The following GJA3 variants were observed in gnomAD, a reference collection of about 807,000 sequenced individuals.
GJA3 encodes the protein gap junction alpha-3 protein.
For synonymous variants in GJA3, 297 were observed against 292.6 expected (o/e 1.02, Z -0.15); for missense variants, 571 against 620.3 (o/e 0.92, Z 0.84).
rs192267797 is a variant in GJA3, at chr13:20,153,681, T to C, written c.-18+7209A>G. Among the ~76,000 whole-genome samples the C allele has an allele frequency of 5.1e-4, 77 of 152,058 alleles. 2 individuals are homozygous for C. In the East Asian group the frequency reaches 0.014, roughly 27 times the overall value. On this transcript the variant is annotated intron_variant, in intron 1 of 1. Coordinates refer to ENST00000241125, the MANE Select transcript of GJA3 (RefSeq NM_021954.4). ...ATAGTATTAGGAGATATACCTAATGTAAATGACAAGTTAACAGGTGCAGCA... is the reference window on the plus strand; with the variant it reads ...ATAGTATTAGGAGATATACCTAATGCAAATGACAAGTTAACAGGTGCAGCA...
chr13:20,141,161 G>GA lies in GJA3; in HGVS notation c.*819dup, dbSNP rs1958804544. The GA allele has an allele frequency of 6.6e-6, 1 of 152,188 alleles. No homozygotes were observed. The highest frequency in any genetic ancestry group is 1.5e-5 in the Non-Finnish European group (1 of 68,010). The allele number at this position is 152,188 out of a possible 1,614,324, so 9.4% of individuals were successfully genotyped here. A position where few individuals can be genotyped will look rare whatever the true frequency, so the allele number is the denominator to read the frequency against. On this transcript the variant is annotated 3_prime_UTR_variant, in exon 2 of 2. Transcript: ENST00000241125. ...TATTTTTCTTTCATTTTTCCTGAAA[G>GA]AAAGTGGGAGAAAATAGGCATAGCT...
chr13:20,141,847 TCCACCTCCTGGGACTCCAGTCGCTC>T lies in GJA3; in HGVS notation c.*109_*133del, dbSNP rs1566514030. On this transcript the variant is annotated 3_prime_UTR_variant, in exon 2 of 2. Coordinates refer to ENST00000241125, the MANE Select transcript of GJA3 (RefSeq NM_021954.4). The stretch of plus-strand genomic sequence containing the variant: ...CGGAAACCTGATCTCTCCTCCATCG[TCCACCTCCTGGGACTCCAGTCGCTC>T]CCACCTCCTGGGACTTTCAGGTTCT... The T allele has an allele frequency of 5.5e-5, 72 of 1,316,796 alleles. 2 individuals are homozygous for T. The highest frequency in any genetic ancestry group is 3.9e-4 in the South Asian group (27 of 69,234). The allele number at this position is 1,316,796 out of a possible 1,614,324, so 81.6% of individuals were successfully genotyped here.
chr13:20,146,879 C>T (rs1183570674), intron 1 of GJA3, among the ~76,000 whole-genome samples: 1 of 152,188 alleles, frequency 6.6e-6, no homozygotes, highest in Non-Finnish European at 1.5e-5. Context: ...GTTCCCTGAG[C>T]AGTGCTGGCT....
At position 20,142,703 on chromosome 13, in the gene GJA3, T is replaced by G; in HGVS notation, c.586A>C (p.Arg196=). 6.2e-7 allele frequency: 1 copy of G among 1,613,742 alleles called. No homozygotes were observed. The highest frequency in any genetic ancestry group is 8.5e-7 in the Non-Finnish European group (1 of 1,179,828). The part of the protein sequence containing the change: ...CPNTVDCFIS[R]PTEKTIFIIF... ...ATGAAGATGGTCTTCTCCGTGGGCC[T>G]GGAGATGAAGCAGTCCACCGTGTTG... The change falls in exon 2 of 2, where the codon AGG becomes CGG. Residue 196 remains arginine, a synonymous_variant. Transcript: ENST00000241125.
In GJA3 at chr13:20,145,760, C is replaced by G. The variant is rs534160575; in HGVS notation, c.-17-2455G>C. ...CCTGCTGACCTGCCCCTTGCCTACA[C>G]AGTCCCCTCAGGGGTGGCCATCTCA... On this transcript the variant is annotated intron_variant, in intron 1 of 1. Transcript: ENST00000241125. Among the ~76,000 whole-genome samples the G allele has an allele frequency of 5.3e-3, 800 of 152,368 alleles. 7 individuals carry two copies. The highest frequency in any genetic ancestry group is 0.01 in the Middle Eastern group (3 of 294).
intron 1 of GJA3, among the ~76,000 whole-genome samples, chr13:20,159,205 T>C (rs142764706): frequency 6.6e-6 from 1 of 151,966 alleles, no homozygotes; most frequent in Admixed American, 6.5e-5. Flanking sequence ...TGCCACACAC[T>C]GAGGACAGCA....
At chr13:20,155,953 T>C (rs541368538) in intron 1 of GJA3, among the ~76,000 whole-genome samples, 3 of 152,144 alleles carry the variant, frequency 2.0e-5, no homozygotes. Flanking sequence ...CAGGAAACAT[T>C]ACTCTCATCC....
chr13:20,155,308 T>C (rs1006126090), intron 1 of GJA3, among the ~76,000 whole-genome samples: 8 of 152,218 alleles, frequency 5.3e-5, no homozygotes, highest in African/African-American at 1.7e-4. Flanking sequence ...ATTTTAAAAT[T>C]ATCTGAATAA....
Position 20,142,024 on chromosome 13 carries a change from C to T in GJA3, c.1265G>A (p.Arg422Lys), listed in dbSNP as rs1566514135. 4 of 1,550,438 alleles carry T rather than the reference C, an allele frequency of 2.6e-6. No individual in the cohort carries two copies. The highest frequency in any genetic ancestry group is 3.5e-6 in the Non-Finnish European group (4 of 1,146,870). Residue 422 changes from arginine to lysine, a missense_variant, in exon 2 of 2, where the codon AGG becomes AAG. Transcript: ENST00000241125. ...CGGTCTGGCCCGCCCGCTGCTGGCC[C>T]TGCTGGCCTTGCTGGCCCGACCTGG... Reference protein sequence around the residue: ...GDPGRASKASRASSGRARPED... With the variant: ...GDPGRASKASKASSGRARPED...
chr13:20,145,047 G>GGA (rs1958834054), intron 1 of GJA3, among the ~76,000 whole-genome samples: 1 of 152,148 alleles, frequency 6.6e-6, no homozygotes, highest in Admixed American at 6.5e-5. Flanking sequence ...CAGGCATGGT[G>GGA]GAGGGTGCCT....
chr13:20,161,263 C>T (rs1958936556), upstream of GJA3, among the ~76,000 whole-genome samples: 1 of 152,196 alleles, frequency 6.6e-6, no homozygotes, highest in African/African-American at 2.4e-5. Context: ...CCCCATCCCG[C>T]ACCTGCGCGG....
chr13:20,159,740 A>G (rs1958926820), intron 1 of GJA3, among the ~76,000 whole-genome samples: 1 of 152,202 alleles, frequency 6.6e-6, no homozygotes, highest in Admixed American at 6.5e-5. Context: ...ACTTTCCACT[A>G]CAGCAACACA....
At chr13:20,155,469 CA>C (rs1431932644) in intron 1 of GJA3, among the ~76,000 whole-genome samples, 9 of 152,074 alleles carry the variant, frequency 5.9e-5, no homozygotes, top group African/African-American at 2.2e-4. Context: ...TGGTCACTTA[CA>C]TTTTTTAGAA....
chr13:20,155,616 A>C (rs919554712), intron 1 of GJA3, among the ~76,000 whole-genome samples: 6 of 151,900 alleles, frequency 3.9e-5, no homozygotes, highest in African/African-American at 9.7e-5. Context: ...TTAAAATATT[A>C]GTCTTGCTAG....
In GJA3 at chr13:20,142,621, T is replaced by C; in HGVS notation, c.668A>G (p.Tyr223Cys). 6.2e-7 allele frequency: 1 copy of C among 1,612,842 alleles called. No homozygotes were observed. Among genetic ancestry groups the C allele is most frequent in the Non-Finnish European group, 8.5e-7 (1 of 1,179,722 alleles). Reference protein sequence around the residue: ...ASLLLNMLEIYHLGWKKLKQG... With the variant: ...ASLLLNMLEICHLGWKKLKQG... ...CTTGAGCTTCTTCCAGCCCAGGTGG[T>C]AGATCTCCAGCATGTTGAGCAGCAG... The change falls in exon 2 of 2, where the codon TAC (tyrosine) becomes TGC (cysteine). Residue 223 changes from tyrosine to cysteine, a missense_variant. Coordinates refer to ENST00000241125, the MANE Select transcript of GJA3 (RefSeq NM_021954.4).
At chr13:20,151,251 A>G (rs1375000847) in intron 1 of GJA3, among the ~76,000 whole-genome samples, 1 of 152,166 alleles carries the variant, frequency 6.6e-6, no homozygotes, top group African/African-American at 2.4e-5. Flanking sequence ...AGGCAAGAGC[A>G]GGACTCAGCC....
At chr13:20,156,101 G>A (rs1958905295) in intron 1 of GJA3, among the ~76,000 whole-genome samples, 1 of 152,094 alleles carries the variant, frequency 6.6e-6, no homozygotes, top group African/African-American at 2.4e-5. Context: ...GTACGACAGT[G>A]TCTGCCATCT....
At position 20,141,975 on chromosome 13, in the gene GJA3, C is replaced by T; in HGVS notation, c.*6G>A. On this transcript the variant is annotated 3_prime_UTR_variant, in exon 2 of 2. Coordinates refer to ENST00000241125, the MANE Select transcript of GJA3 (RefSeq NM_021954.4). Reference sequence around the variant, plus strand: ...ACACAGCTGTCTGGAGGCAGGCACCCGGGCACTAGATGGCCAAGTCCTCCG... The same window carrying T: ...ACACAGCTGTCTGGAGGCAGGCACCTGGGCACTAGATGGCCAAGTCCTCCG... The T allele has an allele frequency of 1.3e-6, 2 of 1,550,198 alleles. No individual in the cohort carries two copies. Among genetic ancestry groups the T allele is most frequent in the African/African-American group, 1.4e-5 (1 of 73,138 alleles).
chr13:20,145,655 C>T (rs1440329727), intron 1 of GJA3, among the ~76,000 whole-genome samples: 5 of 152,342 alleles, frequency 3.3e-5, no homozygotes, highest in South Asian at 2.1e-4. Flanking sequence ...GGCCCAGCCA[C>T]GCTGAAGCCT....
Sources: gnomAD v4.1 joint callset for allele counts (sites outside exome capture counted in the v4.1 genomes callset) on GRCh38, gnomAD v4.1.1 for gene constraint, MANE v1.5 for transcripts, NCBI Gene and HGNC (gene_info 2026-07-23, HGNC 2026-07-21) for gene names.